SDCCAG8: variants seen among roughly 807,000 people sequenced by gnomAD.
SDCCAG8 encodes serologically defined colon cancer antigen 8.
In SDCCAG8, 74 loss-of-function variants were observed where a neutral mutation model predicts 101.8. The ratio of observed to expected loss-of-function variants is 0.73; its 90% CI spans 0.60 to 0.88. The LOEUF is 0.88. SDCCAG8 is among the 40% of genes least tolerant of loss of function. The pLI is 0.00. For synonymous variants in SDCCAG8, 281 were observed against 292.9 expected (o/e 0.96, Z 0.41); for missense variants, 787 against 822.6 (o/e 0.96, Z 0.53).
chr1:243,350,486 G>A (rs2076023568), intron 12 of SDCCAG8, among the ~76,000 whole-genome samples: 1 of 152,116 alleles, frequency 6.6e-6, no homozygotes, highest in African/African-American at 2.4e-5. Flanking sequence ...CCAAAGTGCT[G>A]GGATTACAGA....
intron 7 of SDCCAG8, 131 bp from the exon 8 acceptor site, chr1:243,307,858 G>T (rs1416635297): frequency 1.1e-4 from 170 of 1,528,302 alleles, no homozygotes; most frequent in Non-Finnish European, 1.4e-4. Context: ...AATTAATAAG[G>T]TATTGGACGT....
At chr1:243,302,022 C>T (rs761003403) in intron 6 of SDCCAG8, among the ~76,000 whole-genome samples, 7 of 151,902 alleles carry the variant, frequency 4.6e-5, no homozygotes, top group Admixed American at 2.0e-4. Flanking sequence ...CTGAGGTGGG[C>T]GGATCACCTG....
chr1:243,422,247 A>G (rs183726108), intron 15 of SDCCAG8, among the ~76,000 whole-genome samples: 1 of 152,322 alleles, frequency 6.6e-6, no homozygotes. Context: ...TAAGAGGAAC[A>G]ATGGGAGTCC....
intron 7 of SDCCAG8, chr1:243,306,384 C>G (rs1006867397): frequency 2.0e-5 from 3 of 152,040 alleles, no homozygotes; most frequent in Middle Eastern, 3.4e-3. Context: ...CTTATTTTGT[C>G]TCATTCAGAA....
At chr1:243,358,618 A>G (rs1292007964) in intron 12 of SDCCAG8, among the ~76,000 whole-genome samples, 1 of 152,228 alleles carries the variant, frequency 6.6e-6, no homozygotes, top group Non-Finnish European at 1.5e-5. Context: ...TCTATACTCA[A>G]GAGAAATCAA....
In SDCCAG8 at chr1:243,293,126, A is replaced by G; in HGVS notation, c.582A>G (p.Glu194=). 1.2e-6 allele frequency: 2 copies of G among 1,614,190 alleles called. No individual in the cohort carries two copies. The highest frequency in any genetic ancestry group is 1.7e-6 in the Non-Finnish European group (2 of 1,180,022). The part of the protein sequence containing the change: ...NMHNSWITTG[E]DSGVGETSKR... ...ACAATTCTTGGATTACAACAGGTGA[A>G]GATTCTGGGGTGGGCGAAACCTCCA... The change falls in exon 6 of 18, where the codon GAA becomes GAG. Residue 194 remains glutamate, a synonymous_variant. Transcript: ENST00000366541.
At chr1:243,425,631 G>A (rs1196069096) in intron 15 of SDCCAG8, among the ~76,000 whole-genome samples, 1 of 152,072 alleles carries the variant, frequency 6.6e-6, no homozygotes, top group Non-Finnish European at 1.5e-5. Flanking sequence ...TAGGCATTAG[G>A]GCATGAGGAG....
chr1:243,405,503 G>T (rs2079713358), intron 13 of SDCCAG8, among the ~76,000 whole-genome samples: 1 of 152,152 alleles, frequency 6.6e-6, no homozygotes, highest in African/African-American at 2.4e-5. Context: ...AGCCCTTAAA[G>T]ATCTGGCAAT....
At chr1:243,288,595 G>A (rs189136074) in intron 5 of SDCCAG8, among the ~76,000 whole-genome samples, 1 of 152,200 alleles carries the variant, frequency 6.6e-6, no homozygotes, top group East Asian at 1.9e-4. Flanking sequence ...ATCTTCTTTT[G>A]GGGGGAAGGG....
At chr1:243,441,144 G>T (rs1245108088) in intron 16 of SDCCAG8, among the ~76,000 whole-genome samples, 3 of 152,108 alleles carry the variant, frequency 2.0e-5, no homozygotes, top group African/African-American at 7.2e-5. Flanking sequence ...AGGCTTTTGA[G>T]TCACTCTTTT....
chr1:243,315,786 G>A (rs145483302), intron 8 of SDCCAG8, among the ~76,000 whole-genome samples: 51 of 152,162 alleles, frequency 3.4e-4, no homozygotes, highest in African/African-American at 1.2e-3. Context: ...CAATGAAAAG[G>A]AAACTGCAAG....
At chr1:243,274,798 T>G in intron 4 of SDCCAG8, 142 bp downstream of exon 4, 1 of 601,094 alleles carries the variant, frequency 1.7e-6, no homozygotes, top group Non-Finnish European at 3.0e-6. Context: ...GAGAGACTGA[T>G]GTGTCACAAG....
intron 15 of SDCCAG8, among the ~76,000 whole-genome samples, chr1:243,420,320 G>C (rs574916218): frequency 1.8e-4 from 28 of 152,348 alleles, no homozygotes; most frequent in African/African-American, 6.5e-4. Flanking sequence ...ATACATACAC[G>C]TATCAAGTGC....
At chr1:243,294,506 C>CGAGAGAGAGAGAGAGAGA (rs74162272) in intron 6 of SDCCAG8, among the ~76,000 whole-genome samples, 24,620 of 105,702 alleles carry the variant, frequency 0.23, 3,973 homozygotes, top group South Asian at 0.45. Context: ...AGAGAAAGAG[C>CGAGAGAGAGAGAGAGAGA]GAGAGAGAGA....
intron 12 of SDCCAG8, 119 bp downstream of exon 12, chr1:243,344,450 C>G (rs1405427428): frequency 2.4e-6 from 2 of 826,664 alleles, no homozygotes; most frequent in African/African-American, 3.5e-5. Context: ...ATGGGATGAT[C>G]CAGTTTACAC....
At chr1:243,454,676 T>C (rs748599975) in intron 16 of SDCCAG8, among the ~76,000 whole-genome samples, 2 of 152,010 alleles carry the variant, frequency 1.3e-5, no homozygotes, top group Non-Finnish European at 2.9e-5. Flanking sequence ...CAAAGGAGAG[T>C]TGGAGAAGTT....
At chr1:243,297,882 C>T (rs939920329) in intron 6 of SDCCAG8, among the ~76,000 whole-genome samples, 2 of 152,086 alleles carry the variant, frequency 1.3e-5, no homozygotes, top group Non-Finnish European at 2.9e-5. Context: ...TCTGTGGCTT[C>T]GCTTGTAACT....
intron 12 of SDCCAG8, among the ~76,000 whole-genome samples, chr1:243,364,504 G>C (rs936563896): frequency 1.5e-4 from 23 of 152,148 alleles, no homozygotes; most frequent in African/African-American, 5.3e-4. Context: ...AACAGAAACT[G>C]GGTAGGTAGG....
In SDCCAG8 at chr1:243,461,622, A is replaced by G. The variant is rs981063829; in HGVS notation, c.1986-27392A>G. Among the ~76,000 whole-genome samples the G allele has an allele frequency of 6.0e-4, 92 of 152,290 alleles. 1 individual carries two copies. Among genetic ancestry groups the G allele is most frequent in the African/African-American group, 2.1e-3 (87 of 41,566 alleles). ...GCACAGTCAGACAGAGCTGAGCTAC[A>G]TGACCATTCTGCTGAGTTCTGACAT... On this transcript the variant is annotated intron_variant, in intron 16 of 17. Coordinates refer to ENST00000366541, the MANE Select transcript of SDCCAG8 (RefSeq NM_006642.5).
Sources: allele counts gnomAD v4.1 joint callset (sites outside exome capture counted in the v4.1 genomes callset), GRCh38; gene constraint gnomAD v4.1.1; transcripts MANE v1.5; gene names NCBI Gene and HGNC (gene_info 2026-07-23, HGNC 2026-07-21).